The following ACOXL variants were observed in gnomAD, a reference collection of about 807,000 sequenced individuals.
The protein encoded by ACOXL is acyl-CoA oxidase like.
Under a neutral mutation model 71.9 loss-of-function variants are expected in ACOXL, and 70 were observed. That is an observed-to-expected ratio of 0.97 (90% CI 0.80 to 1.19). The LOEUF is 1.19. ACOXL is among the 50% of genes most tolerant of loss of function. The pLI, the probability that ACOXL is intolerant of heterozygous loss-of-function variation, is 0.00. For missense variants in ACOXL, 703 were observed against 736.3 expected (o/e 0.95, Z 0.52); for synonymous variants, 253 against 281.6 (o/e 0.90, Z 1.02).
Position 111,075,386 on chromosome 2 carries a change from T to C in ACOXL, c.1441-17479T>C, listed in dbSNP as rs560103526. ...CAAATTATGTGTGTAAGGTTGTTCA[T>C]AGTGTTTTATTTTATCCTTTTGATT... is the stretch of plus-strand genomic sequence containing the variant. On this transcript the variant is annotated intron_variant, in intron 16 of 17. Coordinates refer to ENST00000439055, the MANE Select transcript of ACOXL (RefSeq NM_001142807.4). Among the ~76,000 whole-genome samples the C allele has an allele frequency of 3.3e-5, 5 of 152,272 alleles. No homozygotes were observed. In the South Asian group the frequency reaches 1.0e-3, roughly 32 times the overall value.
chr2:110,948,766 C>T (rs892568037), intron 12 of ACOXL, among the ~76,000 whole-genome samples: 2 of 148,494 alleles, frequency 1.3e-5, no homozygotes, highest in Non-Finnish European at 3.0e-5. Context: ...GGCTCCTGCT[C>T]AGCCCTAGGC....
At chr2:111,016,847 A>T (rs1430744565) in intron 14 of ACOXL, 1 of 152,448 alleles carries the variant, frequency 6.6e-6, no homozygotes. Context: ...TGGGCCCTAG[A>T]GAGTCTGGAT....
intron 11 of ACOXL, among the ~76,000 whole-genome samples, chr2:110,924,778 C>T: frequency 8.5e-6 from 1 of 117,544 alleles, no homozygotes; most frequent in Admixed American, 9.3e-5. Flanking sequence ...ATTTTGACCT[C>T]CTCCCATGAA....
intron 9 of ACOXL, among the ~76,000 whole-genome samples, chr2:110,810,848 T>C (rs796984487): frequency 4.3e-4 from 65 of 152,330 alleles, no homozygotes; most frequent in African/African-American, 1.5e-3. Flanking sequence ...TGACTCAAAC[T>C]TCAGCATGGC....
chr2:110,789,465 G>A (rs769724660), intron 3 of ACOXL, among the ~76,000 whole-genome samples: 4 of 152,118 alleles, frequency 2.6e-5, no homozygotes, highest in Non-Finnish European at 4.4e-5. Flanking sequence ...CACCTTTCTG[G>A]AGGCTGTAAA....
At chr2:110,994,325 C>T (rs1049612059) in intron 13 of ACOXL, among the ~76,000 whole-genome samples, 1 of 152,176 alleles carries the variant, frequency 6.6e-6, no homozygotes, top group Non-Finnish European at 1.5e-5. Flanking sequence ...TAAATACTTT[C>T]CTCTTCCCTG....
chr2:110,824,537 G>T (rs1688959203), intron 9 of ACOXL, among the ~76,000 whole-genome samples: 1 of 151,830 alleles, frequency 6.6e-6, no homozygotes, highest in East Asian at 1.9e-4. Flanking sequence ...TCTCTCTTTT[G>T]GGTAATTTAT....
intron 14 of ACOXL, among the ~76,000 whole-genome samples, chr2:111,020,705 C>T (rs2064711908): frequency 6.6e-6 from 1 of 152,138 alleles, no homozygotes; most frequent in Admixed American, 6.5e-5. Context: ...TGCTAGGAGC[C>T]CCCTTTGTGA....
chr2:110,880,479 C>A (rs1199355352), intron 10 of ACOXL, among the ~76,000 whole-genome samples: 1 of 152,230 alleles, frequency 6.6e-6, no homozygotes, highest in Non-Finnish European at 1.5e-5. Flanking sequence ...CTTCTACTGA[C>A]ACACACTTCT....
At chr2:111,029,796 G>C (rs1441856214) in intron 14 of ACOXL, among the ~76,000 whole-genome samples, 2 of 152,216 alleles carry the variant, frequency 1.3e-5, no homozygotes, top group African/African-American at 4.8e-5. Context: ...ATAAGGAAGA[G>C]CACTTGGGAG....
intron 10 of ACOXL, among the ~76,000 whole-genome samples, chr2:110,884,016 G>A (rs1697002419): frequency 6.6e-6 from 1 of 152,186 alleles, no homozygotes; most frequent in Non-Finnish European, 1.5e-5. Flanking sequence ...AGGCACTGTA[G>A]AGGAGGCAAA....
intron 11 of ACOXL, among the ~76,000 whole-genome samples, chr2:110,925,142 A>G (rs529500836): frequency 1.3e-5 from 2 of 152,232 alleles, no homozygotes; most frequent in African/African-American, 4.8e-5. Flanking sequence ...TGTGCTATCA[A>G]CCAGGTGCTG....
chr2:110,782,975 C>T (rs537668688), intron 2 of ACOXL, among the ~76,000 whole-genome samples: 3 of 152,162 alleles, frequency 2.0e-5, no homozygotes, highest in South Asian at 2.1e-4. Context: ...AGGGGTGGAC[C>T]GATGAGGAAG....
chr2:111,009,639 A>G (rs777175949), intron 14 of ACOXL, among the ~76,000 whole-genome samples: 93 of 152,218 alleles, frequency 6.1e-4, no homozygotes, highest in Admixed American at 5.9e-4. Flanking sequence ...ACATGTATGA[A>G]TACCACTCAA....
At chr2:110,871,607 C>G (rs951598400) in intron 10 of ACOXL, among the ~76,000 whole-genome samples, 1 of 152,096 alleles carries the variant, frequency 6.6e-6, no homozygotes, top group Non-Finnish European at 1.5e-5. Flanking sequence ...GGTCTTACAT[C>G]ACTGCTACTA....
At chr2:110,857,476 T>C (rs1286603032) in intron 10 of ACOXL, among the ~76,000 whole-genome samples, 1 of 152,168 alleles carries the variant, frequency 6.6e-6, no homozygotes, top group Non-Finnish European at 1.5e-5. Flanking sequence ...CTTAGGACTT[T>C]ATTACCAAGG....
intron 16 of ACOXL, among the ~76,000 whole-genome samples, chr2:111,059,417 T>A (rs958985789): frequency 3.3e-5 from 5 of 152,216 alleles, no homozygotes; most frequent in Non-Finnish European, 7.3e-5. Flanking sequence ...TAAGATTTAT[T>A]ACATAAGTGA....
intron 10 of ACOXL, among the ~76,000 whole-genome samples, chr2:110,843,986 G>T (rs1291058169): frequency 6.6e-6 from 1 of 152,232 alleles, no homozygotes; most frequent in African/African-American, 2.4e-5. Flanking sequence ...GGGATCTGGG[G>T]ACCAGGGAGC....
intron 12 of ACOXL, among the ~76,000 whole-genome samples, chr2:110,950,810 GGAGAGAGAGAGA>G (rs71383892): frequency 1.4e-5 from 2 of 142,796 alleles, no homozygotes; most frequent in Non-Finnish European, 3.0e-5. Context: ...GGTGGGGGGT[GGAGAGAGAGAGA>G]GAGAGAGAGA....
Sources: gnomAD v4.1 joint callset for allele counts (sites outside exome capture counted in the v4.1 genomes callset) on GRCh38, gnomAD v4.1.1 for gene constraint, MANE v1.5 for transcripts, NCBI Gene and HGNC (gene_info 2026-07-23, HGNC 2026-07-21) for gene names.